LIMA1: variants seen among roughly 807,000 people sequenced by gnomAD.
The protein encoded by LIMA1 is LIM domain and actin binding 1.
A neutral mutation model predicts 62.6 loss-of-function variants in LIMA1; 52 were observed. The observed-to-expected ratio is 0.83, with a 90% CI of 0.67 to 1.05. LIMA1 has a LOEUF of 1.05. Among genes scored for constraint, LIMA1 ranks in the 50% least tolerant of loss-of-function variants. LIMA1 has a pLI of 0.00. For missense variants in LIMA1, 780 were observed against 902.2 expected (o/e 0.86, Z 1.74); for synonymous variants, 302 against 317.8 (o/e 0.95, Z 0.53).
chr12:50,227,773 C>G (rs992842204), intron 3 of LIMA1, among the ~76,000 whole-genome samples: 1 of 151,942 alleles, frequency 6.6e-6, no homozygotes, highest in Non-Finnish European at 1.5e-5. Context: ...GGAAGCCTTT[C>G]TAGATGTAGC....
intron 9 of LIMA1, chr12:50,187,977 G>A (rs1230594890): frequency 6.6e-6 from 1 of 152,154 alleles, no homozygotes; most frequent in Non-Finnish European, 1.5e-5. Flanking sequence ...ACTTCTCACA[G>A]GGTCCACTAA....
Position 50,215,152 on chromosome 12 carries a change from A to G in LIMA1, c.630+6869T>C, listed in dbSNP as rs17124544. Among the ~76,000 whole-genome samples the G allele has an allele frequency of 8.4e-3, 1,273 of 152,322 alleles. 17 individuals carry two copies. The highest frequency in any genetic ancestry group is 0.028 in the African/African-American group (1,174 of 41,572). On this transcript the variant is annotated intron_variant, in intron 4 of 10. Coordinates refer to ENST00000341247, the MANE Select transcript of LIMA1 (RefSeq NM_016357.5). ...TTACTCTCTAAAGACTCATTCTACT[A>G]CATCAGCGCATATACACTCTTATGT...
At chr12:50,205,825 C>T (rs934503931) in intron 5 of LIMA1, among the ~76,000 whole-genome samples, 159 bp downstream of exon 5, 1 of 149,100 alleles carries the variant, frequency 6.7e-6, no homozygotes, top group Non-Finnish European at 1.5e-5. Flanking sequence ...AGCTATTTAT[C>T]GAGAGCAATG....
chr12:50,185,516 C>T (rs1454540543), intron 9 of LIMA1: 1 of 454,246 alleles, frequency 2.2e-6, no homozygotes, highest in African/African-American at 2.0e-5. Context: ...AGCTTTACTG[C>T]AGCTGAGCTG....
intron 1 of LIMA1, among the ~76,000 whole-genome samples, chr12:50,278,037 A>T (rs1443156411): frequency 2.0e-5 from 3 of 152,136 alleles, no homozygotes; most frequent in African/African-American, 7.2e-5. Context: ...GCACTTTGGG[A>T]GGCCGAGGTG....
At chr12:50,243,967 T>C (rs1592550321) in intron 2 of LIMA1, among the ~76,000 whole-genome samples, 1 of 151,994 alleles carries the variant, frequency 6.6e-6, no homozygotes. Flanking sequence ...CAGGCTGGAG[T>C]GCAGTGGCAT....
At chr12:50,193,542 T>TACAC (rs1259429554) in intron 8 of LIMA1, among the ~76,000 whole-genome samples, 5 of 138,142 alleles carry the variant, frequency 3.6e-5, no homozygotes, top group African/African-American at 1.1e-4. Context: ...ATGATATATA[T>TACAC]ATACATATAT....
chr12:50,227,533 T>C (rs996806759), intron 3 of LIMA1, among the ~76,000 whole-genome samples: 1 of 152,106 alleles, frequency 6.6e-6, no homozygotes, highest in Non-Finnish European at 1.5e-5. Flanking sequence ...AGGCCCGAAG[T>C]CTTCCCTTTA....
intron 4 of LIMA1, among the ~76,000 whole-genome samples, chr12:50,210,558 G>A (rs2138511191): frequency 6.6e-6 from 1 of 152,280 alleles, no homozygotes; most frequent in African/African-American, 2.4e-5. Context: ...CCTGCAGAGA[G>A]CTGTTTTCTG....
At chr12:50,199,825 AT>A (rs757091518) in intron 7 of LIMA1, among the ~76,000 whole-genome samples, 3 of 152,072 alleles carry the variant, frequency 2.0e-5, no homozygotes, top group Non-Finnish European at 4.4e-5. Context: ...ATATATTTTT[AT>A]TTTATTTTTG....
At chr12:50,279,154 C>A (rs184468363) in intron 1 of LIMA1, among the ~76,000 whole-genome samples, 14 of 151,208 alleles carry the variant, frequency 9.3e-5, no homozygotes, top group Admixed American at 8.5e-4. Context: ...TACAGGCATG[C>A]GCCACCATGC....
chr12:50,232,378 T>C (rs1592540830), intron 2 of LIMA1, among the ~76,000 whole-genome samples: 3 of 151,408 alleles, frequency 2.0e-5, no homozygotes, highest in Admixed American at 2.0e-4. Flanking sequence ...TTTTTCTTTT[T>C]TTTTTTTTTG....
intron 1 of LIMA1, among the ~76,000 whole-genome samples, chr12:50,253,590 A>C (rs1442678849): frequency 6.6e-6 from 1 of 152,216 alleles, no homozygotes; most frequent in African/African-American, 2.4e-5. Flanking sequence ...ATTTTTCAGT[A>C]AGAGAATAGT....
At chr12:50,188,152 ATC>A (rs1940672838) in intron 9 of LIMA1, 1 of 152,194 alleles carries the variant, frequency 6.6e-6, no homozygotes, top group Non-Finnish European at 1.5e-5. Context: ...AATGAATTGA[ATC>A]TCTACCTTAG....
chr12:50,199,236 CAGG>C (rs1163714026), intron 7 of LIMA1, among the ~76,000 whole-genome samples: 11 of 152,316 alleles, frequency 7.2e-5, no homozygotes, highest in African/African-American at 2.4e-4. Context: ...GAGGCTGCGG[CAGG>C]AGAATTGCTT....
At chr12:50,188,139 T>G (rs138201198) in intron 9 of LIMA1, 7 of 152,212 alleles carry the variant, frequency 4.6e-5, no homozygotes, top group African/African-American at 1.7e-4. Context: ...AGCTAAAATT[T>G]GAAATGAATT....
intron 4 of LIMA1, among the ~76,000 whole-genome samples, chr12:50,218,645 C>T (rs1941390016): frequency 6.6e-6 from 1 of 152,112 alleles, no homozygotes; most frequent in Admixed American, 6.5e-5. Flanking sequence ...GTGGCTCATG[C>T]CTGTAATTTC....
rs549857706 is a variant in LIMA1, at chr12:50,191,666, A to C, written c.1140+786T>G. Among the ~76,000 whole-genome samples the C allele has an allele frequency of 9.3e-5, 14 of 151,182 alleles. No individual in the cohort carries two copies. The East Asian group carries it at 2.7e-3, about 30-fold the overall frequency. On this transcript the variant is annotated intron_variant, in intron 9 of 10. Transcript: ENST00000341247. ...GAAACCCCGTCTCTACTAAAACTACAAAAAGTTAGCCGGGCGTAGTGGCAG... is the reference window on the plus strand; with the variant it reads ...GAAACCCCGTCTCTACTAAAACTACCAAAAGTTAGCCGGGCGTAGTGGCAG...
intron 2 of LIMA1, among the ~76,000 whole-genome samples, chr12:50,236,986 C>G (rs1941705832): frequency 6.6e-6 from 1 of 152,128 alleles, no homozygotes; most frequent in African/African-American, 2.4e-5. Context: ...CAGGTTCTGT[C>G]TTACATTGCT....
Sources: gnomAD v4.1 joint callset for allele counts (sites outside exome capture counted in the v4.1 genomes callset) on GRCh38, gnomAD v4.1.1 for gene constraint, MANE v1.5 for transcripts, NCBI Gene and HGNC (gene_info 2026-07-23, HGNC 2026-07-21) for gene names.